The following FHIP1A variants were observed in gnomAD, a reference collection of about 807,000 sequenced individuals.
FHIP1A encodes the protein FHF complex subunit HOOK-interacting protein 1A.
Under a neutral mutation model 88.6 loss-of-function variants are expected in FHIP1A, and 61 were observed. The ratio of observed to expected loss-of-function variants is 0.69; its 90% CI spans 0.56 to 0.85. The LOEUF is 0.85. FHIP1A is among the 40% of genes least tolerant of loss of function. The pLI is 0.00. For missense variants in FHIP1A, 1,154 were observed against 1,273.5 expected (o/e 0.91, Z 1.43); for synonymous variants, 478 against 496.0 (o/e 0.96, Z 0.48).
At position 151,506,179 on chromosome 4, in the gene FHIP1A, A is replaced by C. The variant is rs77446428; in HGVS notation, c.-123+23531A>C. Among the ~76,000 whole-genome samples the C allele has an allele frequency of 9.2e-3, 1,395 of 152,090 alleles. 24 individuals are homozygous for C. The highest frequency in any genetic ancestry group is 0.031 in the African/African-American group (1,274 of 41,474). The stretch of plus-strand genomic sequence containing the variant: ...TGTCTTGGCCTCTCCAAGTGCTAGT[A>C]TTACAGGTGTGAGCCACTGTGCCTG... On this transcript the variant is annotated intron_variant, in intron 3 of 13. Coordinates refer to ENST00000435205, the MANE Select transcript of FHIP1A (RefSeq NM_001109977.3).
intron 7 of FHIP1A, among the ~76,000 whole-genome samples, chr4:151,623,850 C>T (rs1010033898): frequency 3.3e-5 from 5 of 152,188 alleles, no homozygotes; most frequent in African/African-American, 1.2e-4. Flanking sequence ...ACCTCATTTT[C>T]TGCTCAGAGC....
chr4:151,490,002 A>G (rs1197388224), intron 3 of FHIP1A, among the ~76,000 whole-genome samples: 2 of 152,116 alleles, frequency 1.3e-5, no homozygotes, highest in Non-Finnish European at 1.5e-5. Context: ...CCCTTCTACT[A>G]CTGCAGCAAG....
In FHIP1A at chr4:151,446,586, T is replaced by C. The variant is rs1375738202; in HGVS notation, c.-355-8115T>C. ...ATGAATGTGTTGTTCTTTTTCTTTT[T>C]TTTTTTTTTTTTTTGGTTGTGGTTT... On this transcript the variant is annotated intron_variant, in intron 1 of 13. Transcript: ENST00000435205. Among the ~76,000 whole-genome samples the C allele has an allele frequency of 1.0e-4, 15 of 149,140 alleles. No homozygotes were observed. In the South Asian group the frequency reaches 2.3e-3, roughly 23 times the overall value.
intron 7 of FHIP1A, among the ~76,000 whole-genome samples, chr4:151,604,452 A>G (rs1734992176): frequency 6.6e-6 from 1 of 152,232 alleles, no homozygotes; most frequent in African/African-American, 2.4e-5. Context: ...AGGGAAACAC[A>G]GTGACATCTG....
intron 2 of FHIP1A, among the ~76,000 whole-genome samples, chr4:151,471,004 C>G (rs1729490343): frequency 6.6e-6 from 1 of 151,972 alleles, no homozygotes; most frequent in Non-Finnish European, 1.5e-5. Flanking sequence ...AGCACAATAC[C>G]AAAGATCACA....
chr4:151,437,224 G>A (rs1728237104), intron 1 of FHIP1A, among the ~76,000 whole-genome samples: 2 of 151,988 alleles, frequency 1.3e-5, no homozygotes, highest in South Asian at 4.2e-4. Context: ...CAAAACCGTG[G>A]TGATCATGTT....
intron 1 of FHIP1A, among the ~76,000 whole-genome samples, chr4:151,430,859 T>C (rs745509541): frequency 5.3e-5 from 8 of 152,210 alleles, no homozygotes; most frequent in Admixed American, 1.3e-4. Flanking sequence ...GAAGCCTTAG[T>C]TTACACGGGC....
At chr4:151,435,295 G>A (rs1728119503) in intron 1 of FHIP1A, among the ~76,000 whole-genome samples, 1 of 151,984 alleles carries the variant, frequency 6.6e-6, no homozygotes, top group African/African-American at 2.4e-5. Flanking sequence ...TCAGCCTCTG[G>A]TAACTACGAA....
intron 7 of FHIP1A, among the ~76,000 whole-genome samples, chr4:151,605,660 T>C (rs2126836777): frequency 6.6e-6 from 1 of 152,366 alleles, no homozygotes; most frequent in African/African-American, 2.4e-5. Context: ...GCTGGGTTCA[T>C]ATAAGCCGCC....
rs79653257 is a variant in FHIP1A, at chr4:151,554,524, G to T, written c.-122-11614G>T. ...TAAACTAAAAGGTTTAGAGGAGAAA[G>T]ATATTAATAGGCAGGTTTAAGGCAG... is the stretch of plus-strand genomic sequence containing the variant. On this transcript the variant is annotated intron_variant, in intron 3 of 13. Coordinates refer to ENST00000435205, the MANE Select transcript of FHIP1A (RefSeq NM_001109977.3). 5.2e-3 allele frequency among the ~76,000 whole-genome samples: 791 copies of T among 152,298 alleles called. 5 individuals carry two copies. The highest frequency in any genetic ancestry group is 0.018 in the African/African-American group (769 of 41,570).
chr4:151,615,283 A>G (rs1297354846), intron 7 of FHIP1A, among the ~76,000 whole-genome samples: 1 of 152,274 alleles, frequency 6.6e-6, no homozygotes, highest in African/African-American at 2.4e-5. Flanking sequence ...GAAATTTATT[A>G]TCAGGTAGAC....
At chr4:151,484,124 A>C (rs956103823) in intron 3 of FHIP1A, among the ~76,000 whole-genome samples, 1 of 152,124 alleles carries the variant, frequency 6.6e-6, no homozygotes, top group African/African-American at 2.4e-5. Flanking sequence ...AACCAATGAG[A>C]GCTCCTCTGA....
chr4:151,570,004 T>C (rs889769652), intron 4 of FHIP1A, among the ~76,000 whole-genome samples: 1 of 152,190 alleles, frequency 6.6e-6, no homozygotes, highest in African/African-American at 2.4e-5. Context: ...CCTGTCACCT[T>C]CTGAGATGCC....
chr4:151,610,655 A>T (rs1006589768), intron 7 of FHIP1A, among the ~76,000 whole-genome samples: 1 of 152,088 alleles, frequency 6.6e-6, no homozygotes, highest in Admixed American at 6.5e-5. Context: ...GCCCATGCTT[A>T]TGCCTTTCTT....
chr4:151,429,543 A>G (rs1733513156), intron 1 of FHIP1A, among the ~76,000 whole-genome samples: 1 of 152,218 alleles, frequency 6.6e-6, no homozygotes. Flanking sequence ...AAAGGATGAA[A>G]GCACTTATCC....
intron 3 of FHIP1A, among the ~76,000 whole-genome samples, chr4:151,536,604 G>A (rs1226283871): frequency 2.0e-5 from 3 of 152,150 alleles, no homozygotes; most frequent in Non-Finnish European, 4.4e-5. Context: ...ATAATTCCCT[G>A]CAGAGTCATT....
intron 3 of FHIP1A, among the ~76,000 whole-genome samples, chr4:151,542,272 T>G (rs1357909570): frequency 6.6e-6 from 1 of 152,130 alleles, no homozygotes; most frequent in Non-Finnish European, 1.5e-5. Flanking sequence ...AATAAGTAAT[T>G]GCACAAAACA....
chr4:151,501,170 G>A (rs917015586), intron 3 of FHIP1A, among the ~76,000 whole-genome samples: 1 of 152,142 alleles, frequency 6.6e-6, no homozygotes, highest in African/African-American at 2.4e-5. Context: ...TATGGAGGGG[G>A]CAATTTGGGA....
rs1480372152 is a variant in FHIP1A, at chr4:151,662,845, C to T, written c.*91C>T. On this transcript the variant is annotated 3_prime_UTR_variant, in exon 14 of 14. Transcript: ENST00000435205. ...AATGCAAAGCTGCTTACAAAGATTT[C>T]TACTTTAATGTTTCCTGACAATACT... 1 of 1,200,112 alleles carries T rather than the reference C, an allele frequency of 8.3e-7. No homozygotes were observed. The highest frequency in any genetic ancestry group is 1.1e-6 in the Non-Finnish European group (1 of 895,336). The allele number at this position is 1,200,112 out of a possible 1,614,324, so 74.3% of individuals were successfully genotyped here. A position where few individuals can be genotyped will look rare whatever the true frequency, so the allele number is the denominator to read the frequency against.
Sources: gnomAD v4.1 joint callset for allele counts (sites outside exome capture counted in the v4.1 genomes callset) on GRCh38, gnomAD v4.1.1 for gene constraint, MANE v1.5 for transcripts, NCBI Gene and HGNC (gene_info 2026-07-23, HGNC 2026-07-21) for gene names.